Variants in DCLRE1B observed in about 807,000 individuals in gnomAD.
The protein encoded by DCLRE1B is 5' exonuclease Apollo.
In DCLRE1B, 6 loss-of-function variants were observed where a neutral mutation model predicts 19.8. The observed-to-expected ratio is 0.30, with a 90% CI of 0.17 to 0.60. The LOEUF is 0.60. Among genes scored for constraint, DCLRE1B ranks in the 20% least tolerant of loss-of-function variants. DCLRE1B has a pLI of 0.87. For missense variants in DCLRE1B, 622 were observed against 654.2 expected, an observed-to-expected ratio of 0.95 and a Z score of 0.54; for synonymous variants, 258 against 255.7, an observed-to-expected ratio of 1.01 and a Z score of -0.09.
rs1031274058 is a variant in DCLRE1B, at chr1:113,912,268, G to A, written c.*77G>A. ...ATAGTAACTGATGGCTGGTGGGAAA[G>A]AGTTTGTTTTTGGGGCCTACTTTTC... is the stretch of plus-strand genomic sequence containing the variant. On this transcript the variant is annotated 3_prime_UTR_variant, in exon 4 of 4. Transcript: ENST00000650450. The A allele has an allele frequency of 3.4e-6, 5 of 1,450,620 alleles. No homozygotes were observed. Among genetic ancestry groups the A allele is most frequent in the East Asian group, 4.6e-5 (2 of 43,858 alleles). 89.9% of individuals were successfully genotyped at this position (1,450,620 alleles called of 1,614,324 possible). A position where few individuals can be genotyped will look rare whatever the true frequency, so the allele number is the denominator to read the frequency against.
Position 113,905,738 on chromosome 1 carries a change from C to T in DCLRE1B, c.152C>T (p.Ser51Phe). The T allele has an allele frequency of 6.2e-7, 1 of 1,614,004 alleles. No individual in the cohort carries two copies. The highest frequency in any genetic ancestry group is 8.5e-7 in the Non-Finnish European group (1 of 1,179,950). ...SSTWARPLYC[S>F]PITAHLLHRH... ...ACCTGGGCCCGGCCCCTCTACTGCT[C>T]CCCAATTACAGCCCACCTCTTGCAT... Residue 51 changes from serine to phenylalanine, a missense_variant, in exon 1 of 4, where the codon TCC (serine) becomes TTC (phenylalanine). Physicochemically the swap from Ser to Phe is radical, Grantham distance 155. Coordinates refer to ENST00000650450, the MANE Select transcript of DCLRE1B (RefSeq NM_022836.4).
chr1:113,913,857 G>A lies in DCLRE1B; in HGVS notation c.*1666G>A, dbSNP rs1669354245. The A allele has an allele frequency of 6.6e-6, 1 of 151,750 alleles. No individual in the cohort carries two copies. The highest frequency in any genetic ancestry group is 1.5e-5 in the Non-Finnish European group (1 of 67,968). 9.4% of individuals were successfully genotyped at this position (151,750 alleles called of 1,614,324 possible). ...CTATGCATGTAGATGTATTAAATAT[G>A]TAAATGTTTTTCAAAGTTGAGGTAA... On this transcript the variant is annotated 3_prime_UTR_variant, in exon 4 of 4. Transcript: ENST00000650450.
In DCLRE1B at chr1:113,911,493, C is replaced by T. The variant is rs370706392; in HGVS notation, c.901C>T (p.Arg301Trp). 15 of 1,614,004 alleles carry T rather than the reference C, an allele frequency of 9.3e-6. No homozygotes were observed. Among genetic ancestry groups the T allele is most frequent in the African/African-American group, 8.0e-5 (6 of 74,902 alleles). Residue 301 changes from arginine to tryptophan, a missense_variant, in exon 4 of 4, where the codon CGG (arginine) becomes TGG (tryptophan). Arg to Trp is a moderately radical substitution (Grantham distance 101). Around this residue, in one of 3 missense-constraint regions of DCLRE1B, gnomAD observed 382 missense variants for 412.5 expected, o/e 0.93. Coordinates refer to ENST00000650450, the MANE Select transcript of DCLRE1B (RefSeq NM_022836.4). ...CCAGGTGGTGCCCATTGTAAGTCGG[C>T]GGCCCTGTGGAGGCTTTCAGGACAG... ...PCQVVPIVSR[R>W]PCGGFQDSLS...
In DCLRE1B at chr1:113,911,530, G is replaced by C. The variant is rs1329171369; in HGVS notation, c.938G>C (p.Arg313Thr). 1 of 1,613,412 alleles carries C rather than the reference G, an allele frequency of 6.2e-7. No homozygotes were observed. Among genetic ancestry groups the C allele is most frequent in the African/African-American group, 1.3e-5 (1 of 74,892 alleles). ...CGGFQDSLSP[R>T]ISVPLIPDSV... ...GGCTTTCAGGACAGTCTGAGCCCCAGGATCTCCGTGCCCCTGATTCCGGAC... is the reference window on the plus strand; with the variant it reads ...GGCTTTCAGGACAGTCTGAGCCCCACGATCTCCGTGCCCCTGATTCCGGAC... Residue 313 changes from arginine to threonine, a missense_variant, in exon 4 of 4, where the codon AGG becomes ACG. Physicochemically the swap from Arg to Thr is moderately conservative, Grantham distance 71 (BLOSUM62 -1). Around this residue, in one of 3 missense-constraint regions of DCLRE1B, gnomAD observed 382 missense variants for 412.5 expected, o/e 0.93. Coordinates refer to ENST00000650450, the MANE Select transcript of DCLRE1B (RefSeq NM_022836.4).
chr1:113,905,085 C>T (rs1329890768), upstream of DCLRE1B: 2 of 374,172 alleles, frequency 5.3e-6, no homozygotes, highest in Non-Finnish European at 1.0e-5. Flanking sequence ...ACGCCGTTCT[C>T]ATCGCGGATA....
At chr1:113,907,204 GTTTTT>G (rs71090746) in intron 2 of DCLRE1B, 43 bp downstream of exon 2, 7,277 of 491,598 alleles carry the variant, frequency 0.015, 99 homozygotes, top group East Asian at 0.019. Flanking sequence ...CAGACTAGAT[GTTTTT>G]TTTTTTTTTT....
At chr1:113,908,976 T>C (rs980764669) in intron 3 of DCLRE1B, among the ~76,000 whole-genome samples, 2 of 152,208 alleles carry the variant, frequency 1.3e-5, no homozygotes, top group Non-Finnish European at 2.9e-5. Flanking sequence ...TTGGACTTGA[T>C]CCTAAACCCA....
chr1:113,905,011 C>T (rs1571597369), upstream of DCLRE1B: 1 of 434,448 alleles, frequency 2.3e-6, no homozygotes, highest in East Asian at 4.8e-5. Flanking sequence ...CGCCGGATTT[C>T]CAGCGCCGCG....
chr1:113,908,588 A>G (rs919986042), intron 3 of DCLRE1B, among the ~76,000 whole-genome samples: 2 of 152,164 alleles, frequency 1.3e-5, no homozygotes, highest in Non-Finnish European at 2.9e-5. Context: ...TCCAGCCTGG[A>G]TGACAGAGCA....
Position 113,905,765 on chromosome 1 carries a change from G to C in DCLRE1B, c.179G>C (p.Arg60Pro), listed in dbSNP as rs752042646. The change falls in exon 1 of 4, where the codon CGT becomes CCT. Residue 60 changes from arginine to proline, a missense_variant. Around this residue, in one of 3 missense-constraint regions of DCLRE1B, gnomAD observed 237 missense variants for 223.8 expected, o/e 1.06. Transcript: ENST00000650450. The stretch of plus-strand genomic sequence containing the variant: ...CCAATTACAGCCCACCTCTTGCATC[G>C]TCACCTACAGGTATGGGGCTGGAGT... ...CSPITAHLLH[R>P]HLQVSKQWIQ... 2 of 1,613,070 alleles carry C rather than the reference G, an allele frequency of 1.2e-6. No homozygotes were observed. The highest frequency in any genetic ancestry group is 2.2e-5 in the South Asian group (2 of 90,914).
At chr1:113,904,938 C>G (rs1668795040), upstream of DCLRE1B, 2 of 531,154 alleles carry the variant, frequency 3.8e-6, no homozygotes, top group South Asian at 3.9e-5. Flanking sequence ...TCTTCAGGCC[C>G]TACCGTCGGC....
rs1669243250 is a variant in DCLRE1B at position 113,911,287 on chromosome 1, T to G, written c.695T>G (p.Val232Gly). The change falls in exon 4 of 4, where the codon GTA (valine) becomes GGA (glycine). Residue 232 changes from valine to glycine, a missense_variant. Physicochemically the swap from Val to Gly is moderately radical, Grantham distance 109 (BLOSUM62 -3). Transcript: ENST00000650450. ...GAGAAGGCTGGCCGCATCCATGCAG[T>G]AGACCATATGGAGATCTGCCATTCC... ...VEEKAGRIHA[V>G]DHMEICHSNM... 1 of 1,614,002 alleles carries G rather than the reference T, an allele frequency of 6.2e-7. No individual in the cohort carries two copies. The highest frequency in any genetic ancestry group is 1.7e-5 in the Admixed American group (1 of 59,986).
In DCLRE1B at chr1:113,911,235, G is replaced by C; in HGVS notation, c.643G>C (p.Gly215Arg). Reference protein sequence around the residue: ...PRRLELVQLLGLADVFTVEEK... With the variant: ...PRRLELVQLLRLADVFTVEEK... ...GCGCCTGGAGTTGGTACAGCTACTGGGCCTGGCAGATGTGTTCACAGTGGA... is the reference window on the plus strand; with the variant it reads ...GCGCCTGGAGTTGGTACAGCTACTGCGCCTGGCAGATGTGTTCACAGTGGA... The change falls in exon 4 of 4, where the codon GGC becomes CGC. Residue 215 changes from glycine (G) to arginine (R), a missense_variant. By Grantham distance (125) the Gly-to-Arg change is moderately radical (BLOSUM62 -2). Around this residue, in one of 3 missense-constraint regions of DCLRE1B, gnomAD observed 382 missense variants for 412.5 expected, o/e 0.93. Coordinates refer to ENST00000650450, the MANE Select transcript of DCLRE1B (RefSeq NM_022836.4). 6.2e-7 allele frequency: 1 copy of C among 1,614,134 alleles called. No individual in the cohort carries two copies.
chr1:113,904,641 C>T, upstream of DCLRE1B: 1 of 1,613,806 alleles, frequency 6.2e-7, no homozygotes, highest in Non-Finnish European at 8.5e-7. Context: ...GTAGCGCAGC[C>T]TATCAGCTTG....
At chr1:113,910,009 A>C (rs1669196333) in intron 3 of DCLRE1B, among the ~76,000 whole-genome samples, 1 of 152,360 alleles carries the variant, frequency 6.6e-6, no homozygotes, top group South Asian at 2.1e-4. Context: ...GTCTGAGAAC[A>C]GCTATTAAAC....
chr1:113,908,378 T>C lies in DCLRE1B; in HGVS notation c.538+187T>C, dbSNP rs1415137256. ...ATCCCAGCACTTTGGGAGGCCAAGA[T>C]GGGAGGGTCATTTGAGCCCAGGCGT... On this transcript the variant is annotated intron_variant, in intron 3 of 3. Coordinates refer to ENST00000650450, the MANE Select transcript of DCLRE1B (RefSeq NM_022836.4). Among the ~76,000 whole-genome samples, 12 of 152,310 alleles carry C rather than the reference T, an allele frequency of 7.9e-5. No homozygotes were observed. The East Asian group carries it at 2.1e-3, about 27-fold the overall frequency.
At position 113,912,281 on chromosome 1, in the gene DCLRE1B, G is replaced by A. The variant is rs2101076360; in HGVS notation, c.*90G>A. 7.4e-7 allele frequency: 1 copy of A among 1,356,754 alleles called. No homozygotes were observed. Among genetic ancestry groups the A allele is most frequent in the Non-Finnish European group, 9.9e-7 (1 of 1,006,746 alleles). The allele number at this position is 1,356,754 out of a possible 1,614,324, so 84.0% of individuals were successfully genotyped here. A position where few individuals can be genotyped will look rare whatever the true frequency, so the allele number is the denominator to read the frequency against. ...GCTGGTGGGAAAGAGTTTGTTTTTG[G>A]GGCCTACTTTTCTATCTTTACAAGA... is the stretch of plus-strand genomic sequence containing the variant. On this transcript the variant is annotated 3_prime_UTR_variant, in exon 4 of 4. Coordinates refer to ENST00000650450, the MANE Select transcript of DCLRE1B (RefSeq NM_022836.4).
chr1:113,912,932 A>G lies in DCLRE1B; in HGVS notation c.*741A>G, dbSNP rs892140115. On this transcript the variant is annotated 3_prime_UTR_variant, in exon 4 of 4. Coordinates refer to ENST00000650450, the MANE Select transcript of DCLRE1B (RefSeq NM_022836.4). ...AAGGCAGTACCTAGAGCCCAGCTGA[A>G]CAACAAGGCTTTGGGTGTGAAGGGA... 2 of 152,700 alleles carry G rather than the reference A, an allele frequency of 1.3e-5. No homozygotes were observed. The highest frequency in any genetic ancestry group is 4.8e-5 in the African/African-American group (2 of 41,440). The allele number at this position is 152,700 out of a possible 1,614,324, so 9.5% of individuals were successfully genotyped here.
In DCLRE1B at chr1:113,911,486, A is replaced by T. The variant is rs1669253053; in HGVS notation, c.894A>T (p.Val298=). The change falls in exon 4 of 4, where the codon GTA becomes GTT. Residue 298 remains valine, a synonymous_variant. Transcript: ENST00000650450. ...AGCCTTGCCAGGTGGTGCCCATTGT[A>T]AGTCGGCGGCCCTGTGGAGGCTTTC... ...ALKPCQVVPI[V]SRRPCGGFQD... The T allele has an allele frequency of 6.2e-7, 1 of 1,613,968 alleles. No individual in the cohort carries two copies.
Sources: allele counts gnomAD v4.1 joint callset (sites outside exome capture counted in the v4.1 genomes callset), GRCh38; gene constraint gnomAD v4.1.1; regional missense constraint gnomAD v4.1.1; transcripts MANE v1.5; gene names NCBI Gene and HGNC (gene_info 2026-07-23, HGNC 2026-07-21).